The following ARHGAP42 variants were observed in gnomAD, a reference collection of about 807,000 sequenced individuals.
The protein encoded by ARHGAP42 is Rho GTPase activating protein 42.
ARHGAP42 carries 63 observed loss-of-function variants against 125.0 expected under a neutral mutation model. That is an observed-to-expected ratio of 0.50 (90% CI 0.41 to 0.62). The LOEUF is 0.62. ARHGAP42 is among the 20% of genes least tolerant of loss of function. ARHGAP42 has a pLI of 0.00. For missense variants in ARHGAP42, 766 were observed against 1,024.2 expected, an observed-to-expected ratio of 0.75 and a Z score of 3.44; for synonymous variants, 339 against 351.0, an observed-to-expected ratio of 0.97 and a Z score of 0.38.
At position 100,870,947 on chromosome 11, in the gene ARHGAP42, TAAA is replaced by T. The variant is rs35187671; in HGVS notation, c.384+11336_384+11338del. On this transcript the variant is annotated intron_variant, in intron 4 of 23. Transcript: ENST00000298815. ...TCAGAGTGATCCAAGAAAGAAGGTTTAAAAAAAAAAAAAAAAGGATTTTCCAAA... is the reference window on the plus strand; with the variant it reads ...TCAGAGTGATCCAAGAAAGAAGGTTTAAAAAAAAAAAAAGGATTTTCCAAA... 5.1e-3 allele frequency among the ~76,000 whole-genome samples: 726 copies of T among 141,932 alleles called. 7 individuals are homozygous for T. The highest frequency in any genetic ancestry group is 0.018 in the African/African-American group (683 of 38,608). 93.1% of individuals were successfully genotyped at this position (141,932 alleles called of 152,430 possible). A position where few individuals can be genotyped will look rare whatever the true frequency, so the allele number is the denominator to read the frequency against.
intron 8 of ARHGAP42, among the ~76,000 whole-genome samples, chr11:100,940,322 G>A (rs1390696615): frequency 6.6e-6 from 1 of 152,080 alleles, no homozygotes; most frequent in East Asian, 1.9e-4. Flanking sequence ...CATGTGCATA[G>A]TAGCTGCTAG....
At chr11:100,987,699 C>T in intron 23 of ARHGAP42, 107 bp downstream of exon 23, 1 of 993,012 alleles carries the variant, frequency 1.0e-6, no homozygotes, top group Non-Finnish European at 1.5e-6. Flanking sequence ...AGATTTTATC[C>T]CATGTCCTGC....
intron 2 of ARHGAP42, among the ~76,000 whole-genome samples, chr11:100,789,332 C>T (rs1591182416): frequency 6.6e-6 from 1 of 152,228 alleles, no homozygotes; most frequent in Non-Finnish European, 1.5e-5. Flanking sequence ...ACGCAGTTCT[C>T]CATTGTAGCA....
intron 22 of ARHGAP42, among the ~76,000 whole-genome samples, chr11:100,984,406 A>T: frequency 7.4e-6 from 1 of 134,542 alleles, no homozygotes; most frequent in Non-Finnish European, 1.8e-5. Flanking sequence ...CCACTTTTAT[A>T]TATAGTATTG....
At chr11:100,954,396 C>T (rs1857748269) in intron 12 of ARHGAP42, among the ~76,000 whole-genome samples, 2 of 152,166 alleles carry the variant, frequency 1.3e-5, no homozygotes, top group Admixed American at 1.3e-4. Flanking sequence ...ACCTAACATT[C>T]AGTCCTTATA....
chr11:100,962,402 G>T lies in ARHGAP42; in HGVS notation c.1386-7G>T. On this transcript the variant is annotated splice_region_variant and splice_polypyrimidine_tract_variant and intron_variant, in intron 15 of 23. Coordinates refer to ENST00000298815, the MANE Select transcript of ARHGAP42 (RefSeq NM_152432.4). Reference sequence around the variant, plus strand: ...ATTCTAACATGTGTTTCCTTTCTCTGTTGTAGGTGCCTTGCAGAACCACTG... The same window carrying T: ...ATTCTAACATGTGTTTCCTTTCTCTTTTGTAGGTGCCTTGCAGAACCACTG... 6.5e-7 allele frequency: 1 copy of T among 1,550,106 alleles called. No homozygotes were observed. The highest frequency in any genetic ancestry group is 1.4e-5 in the African/African-American group (1 of 73,104).
intron 2 of ARHGAP42, among the ~76,000 whole-genome samples, chr11:100,793,538 T>A (rs1863625030): frequency 6.6e-6 from 1 of 152,240 alleles, no homozygotes; most frequent in South Asian, 2.1e-4. Context: ...TCACACCAGT[T>A]TGGCTAGTAT....
intron 2 of ARHGAP42, among the ~76,000 whole-genome samples, chr11:100,780,786 A>AT (rs527384101): frequency 1.3e-5 from 2 of 152,242 alleles, no homozygotes; most frequent in South Asian, 2.1e-4. Flanking sequence ...AGTAGTTTAA[A>AT]TTTTTTTTGG....
At chr11:100,794,449 G>C (rs1863658575) in intron 2 of ARHGAP42, among the ~76,000 whole-genome samples, 1 of 152,156 alleles carries the variant, frequency 6.6e-6, no homozygotes. Context: ...TACAGAAACA[G>C]ATTACCAGAG....
chr11:100,979,122 C>G (rs1194053258), intron 22 of ARHGAP42, 73 bp downstream of exon 22: 2 of 1,407,466 alleles, frequency 1.4e-6, no homozygotes, highest in East Asian at 5.0e-5. Context: ...ACATGACACT[C>G]TCTGTGACAG....
At chr11:100,898,359 A>G (rs1866421084) in intron 4 of ARHGAP42, among the ~76,000 whole-genome samples, 2 of 152,200 alleles carry the variant, frequency 1.3e-5, no homozygotes, top group South Asian at 4.1e-4. Flanking sequence ...GCCTCATAAA[A>G]TGAATTGGGG....
intron 14 of ARHGAP42, 130 bp from the exon 15 acceptor site, chr11:100,961,551 ATGT>A: frequency 2.9e-6 from 2 of 697,200 alleles, no homozygotes. Context: ...AACAGTACTA[ATGT>A]TAACTCTTGG....
At chr11:100,876,102 T>C (rs1263162416) in intron 4 of ARHGAP42, among the ~76,000 whole-genome samples, 1 of 152,220 alleles carries the variant, frequency 6.6e-6, no homozygotes, top group African/African-American at 2.4e-5. Context: ...ATACCTTCTC[T>C]GGTAGCACAA....
chr11:100,913,745 T>G (rs1866990754), intron 5 of ARHGAP42, among the ~76,000 whole-genome samples, 192 bp downstream of exon 5: 1 of 151,832 alleles, frequency 6.6e-6, no homozygotes, highest in Non-Finnish European at 1.5e-5. Context: ...AGGATCAATA[T>G]TTCTTTCAAC....
chr11:100,964,899 T>G (rs1858050561), intron 16 of ARHGAP42, among the ~76,000 whole-genome samples: 1 of 152,126 alleles, frequency 6.6e-6, no homozygotes. Context: ...GTTGAATCTC[T>G]AGGAGCTCTC....
At chr11:100,776,316 T>A (rs1181651327) in intron 2 of ARHGAP42, among the ~76,000 whole-genome samples, 3 of 152,204 alleles carry the variant, frequency 2.0e-5, no homozygotes, top group East Asian at 3.9e-4. Flanking sequence ...GTTAGTGATG[T>A]TGTGTGATGA....
At chr11:100,753,214 A>G (rs1284467486) in intron 1 of ARHGAP42, among the ~76,000 whole-genome samples, 2 of 152,144 alleles carry the variant, frequency 1.3e-5, no homozygotes, top group African/African-American at 4.8e-5. Flanking sequence ...GAAGGAGTGT[A>G]GCTTCTGCTG....
intron 3 of ARHGAP42, among the ~76,000 whole-genome samples, chr11:100,811,083 G>A (rs1864129038): frequency 6.6e-6 from 1 of 152,086 alleles, no homozygotes; most frequent in African/African-American, 2.4e-5. Flanking sequence ...AGCCTCTTCA[G>A]TAGCTGGCAT....
At chr11:100,826,942 A>G (rs916159861) in intron 3 of ARHGAP42, among the ~76,000 whole-genome samples, 1 of 151,842 alleles carries the variant, frequency 6.6e-6, no homozygotes. Flanking sequence ...GAGGGTGGCA[A>G]CGGGGAAAGA....
Sources: gnomAD v4.1 joint callset for allele counts (sites outside exome capture counted in the v4.1 genomes callset) on GRCh38, gnomAD v4.1.1 for gene constraint, MANE v1.5 for transcripts, NCBI Gene and HGNC (gene_info 2026-07-23, HGNC 2026-07-21) for gene names.